Variants in ALG14 observed in about 807,000 individuals in gnomAD.
The protein encoded by ALG14 is ALG14 UDP-N-acetylglucosaminyltransferase subunit.
A neutral mutation model predicts 22.8 loss-of-function variants in ALG14; 17 were observed. The observed-to-expected ratio is 0.75, with a 90% CI of 0.51 to 1.12. The LOEUF (loss-of-function observed/expected upper bound fraction) is 1.12, where lower values mean the gene tolerates loss of function less well. ALG14 is among the 50% of genes most tolerant of loss of function. ALG14 has a pLI of 0.00. For missense variants in ALG14, 288 were observed against 271.8 expected (o/e 1.06, Z -0.42); for synonymous variants, 89 against 103.7 (o/e 0.86, Z 0.86).
intron 2 of ALG14, among the ~76,000 whole-genome samples, chr1:95,047,186 T>C (rs144317724): frequency 5.5e-4 from 84 of 152,298 alleles, no homozygotes; most frequent in African/African-American, 1.9e-3. Context: ...TAGGGTTATA[T>C]GTATGTGTGT....
intron 3 of ALG14, among the ~76,000 whole-genome samples, chr1:95,023,159 T>C (rs533017987): frequency 6.6e-6 from 1 of 152,160 alleles, no homozygotes; most frequent in Admixed American, 6.5e-5. Flanking sequence ...GACGGAGTCT[T>C]ACTCTATCCC....
intron 2 of ALG14, among the ~76,000 whole-genome samples, chr1:95,044,286 A>G (rs1225006694): frequency 6.6e-6 from 1 of 152,208 alleles, no homozygotes; most frequent in East Asian, 1.9e-4. Flanking sequence ...TTTGTAACAC[A>G]GCCACACGAG....
At chr1:94,993,074 T>C (rs976094901) in intron 3 of ALG14, among the ~76,000 whole-genome samples, 14 of 149,644 alleles carry the variant, frequency 9.4e-5, no homozygotes, top group Non-Finnish European at 1.8e-4. Flanking sequence ...AGGCATAGCA[T>C]TGACCTGGCA....
intron 3 of ALG14, among the ~76,000 whole-genome samples, chr1:95,004,285 G>A (rs926957843): frequency 1.4e-5 from 2 of 143,492 alleles, no homozygotes; most frequent in Non-Finnish European, 3.0e-5. Context: ...GCAGTGACAC[G>A]ATCTTGGCTC....
intron 2 of ALG14, among the ~76,000 whole-genome samples, chr1:95,046,422 C>T (rs1418332562): frequency 3.3e-5 from 5 of 152,216 alleles, no homozygotes; most frequent in Non-Finnish European, 5.9e-5. Context: ...AGGCTGTGCA[C>T]TCCTTAAGAG....
At chr1:95,045,076 T>C (rs1240578483) in intron 2 of ALG14, among the ~76,000 whole-genome samples, 1 of 152,152 alleles carries the variant, frequency 6.6e-6, no homozygotes, top group Non-Finnish European at 1.5e-5. Flanking sequence ...GTGTTTAATA[T>C]TTTAGGTCTC....
At chr1:95,023,657 GAAATTTATTTTTTACTTGATTAA>G (rs1385174498) in intron 3 of ALG14, among the ~76,000 whole-genome samples, 3 of 152,136 alleles carry the variant, frequency 2.0e-5, no homozygotes, top group Admixed American at 1.3e-4. Flanking sequence ...TGGAGAATCT[GAAATTTATTTTTTACTTGATTAA>G]AAATTAAATT....
chr1:95,069,351 A>G lies in ALG14; in HGVS notation c.136+3412T>C, dbSNP rs150161369. Among the ~76,000 whole-genome samples, 3 of 152,322 alleles carry G rather than the reference A, an allele frequency of 2.0e-5. No homozygotes were observed. The East Asian group carries it at 5.8e-4, about 29-fold the overall frequency. ...CAAAACTTCAAAAGCTCCTTTTGCC[A>G]CCAAGACTAATAACAGTAACCATTT... is the stretch of plus-strand genomic sequence containing the variant. On this transcript the variant is annotated intron_variant, in intron 1 of 3. Coordinates refer to ENST00000370205, the MANE Select transcript of ALG14 (RefSeq NM_144988.4).
intron 2 of ALG14, among the ~76,000 whole-genome samples, chr1:95,053,386 C>T (rs1674819036): frequency 6.6e-6 from 1 of 151,862 alleles, no homozygotes; most frequent in Admixed American, 6.6e-5. Context: ...AAATAATTCA[C>T]TATGTAGAAT....
rs888065765 is a variant in ALG14 at position 94,985,110 on chromosome 1, T to C, written c.421-1804A>G. 1.3e-4 allele frequency among the ~76,000 whole-genome samples: 20 copies of C among 152,290 alleles called. No homozygotes were observed. In the East Asian group the frequency reaches 2.5e-3, roughly 19 times the overall value. ...ATGTTTAGGAGGTGAAGGAGTTACG[T>C]TGCTTCAGGTCACTTTTTTTTTATT... On this transcript the variant is annotated intron_variant, in intron 3 of 3. Coordinates refer to ENST00000370205, the MANE Select transcript of ALG14 (RefSeq NM_144988.4).
At chr1:94,998,991 G>C (rs1672981095) in intron 3 of ALG14, among the ~76,000 whole-genome samples, 1 of 152,122 alleles carries the variant, frequency 6.6e-6, no homozygotes, top group Admixed American at 6.5e-5. Context: ...ACATTGTTAG[G>C]TGTCTAGAGG....
intron 3 of ALG14, among the ~76,000 whole-genome samples, chr1:95,002,811 C>T (rs1246108573): frequency 2.0e-5 from 3 of 152,114 alleles, no homozygotes; most frequent in Non-Finnish European, 2.9e-5. Flanking sequence ...TAAGAGTATC[C>T]GGTAGAACTC....
At chr1:95,004,168 T>C (rs184802159) in intron 3 of ALG14, among the ~76,000 whole-genome samples, 23 of 151,970 alleles carry the variant, frequency 1.5e-4, no homozygotes, top group Non-Finnish European at 2.4e-4. Context: ...TACTAAATTA[T>C]GTAGAACTGA....
chr1:95,063,428 T>C (rs1675238448), intron 2 of ALG14, among the ~76,000 whole-genome samples: 1 of 152,204 alleles, frequency 6.6e-6, no homozygotes. Context: ...AATTTTGGGT[T>C]TTACATTTAT....
intron 3 of ALG14, among the ~76,000 whole-genome samples, chr1:95,001,150 A>G (rs560049936): frequency 6.6e-6 from 1 of 152,316 alleles, no homozygotes; most frequent in Admixed American, 6.5e-5. Flanking sequence ...TCCAAGCCCC[A>G]GGTGGGAAGA....
At position 94,975,297 on chromosome 1, in the gene ALG14, G is replaced by T. The variant is rs1672372775; in HGVS notation, c.*7779C>A. On this transcript the variant is annotated 3_prime_UTR_variant, in exon 4 of 4. Coordinates refer to ENST00000370205, the MANE Select transcript of ALG14 (RefSeq NM_144988.4). ...TGTAACTTAGCCTACTGTTTACAAG[G>T]TTCATCCACACTGTAGCATGTATTA... 6.6e-6 allele frequency: 1 copy of T among 152,164 alleles called. No individual in the cohort carries two copies. The highest frequency in any genetic ancestry group is 1.5e-5 in the Non-Finnish European group (1 of 68,062). 9.4% of individuals were successfully genotyped at this position (152,164 alleles called of 1,614,324 possible).
At chr1:95,054,048 T>A (rs1193990814) in intron 2 of ALG14, among the ~76,000 whole-genome samples, 1 of 152,098 alleles carries the variant, frequency 6.6e-6, no homozygotes, top group Non-Finnish European at 1.5e-5. Context: ...AACAAAAAAA[T>A]GAATATTAAA....
At chr1:95,032,018 A>G (rs1189584307) in intron 2 of ALG14, among the ~76,000 whole-genome samples, 1 of 152,130 alleles carries the variant, frequency 6.6e-6, no homozygotes, top group Non-Finnish European at 1.5e-5. Flanking sequence ...CATGTTGGTC[A>G]GGCTGGTCTC....
At chr1:95,020,669 C>G (rs1402881871) in intron 3 of ALG14, among the ~76,000 whole-genome samples, 1 of 149,754 alleles carries the variant, frequency 6.7e-6, no homozygotes, top group Non-Finnish European at 1.5e-5. Flanking sequence ...ACCCAGGATC[C>G]AGAGGTCACG....
Sources: gnomAD v4.1 joint callset for allele counts (sites outside exome capture counted in the v4.1 genomes callset) on GRCh38, gnomAD v4.1.1 for gene constraint, MANE v1.5 for transcripts, NCBI Gene and HGNC (gene_info 2026-07-23, HGNC 2026-07-21) for gene names.